Variants in SLC39A11 observed in about 807,000 individuals in gnomAD.
SLC39A11 encodes the protein zinc transporter ZIP11.
A neutral mutation model predicts 36.1 loss-of-function variants in SLC39A11; 33 were observed. The observed-to-expected ratio is 0.91, with a 90% confidence interval of 0.69 to 1.22. The LOEUF (loss-of-function observed/expected upper bound fraction) is 1.22. Ranked by LOEUF, SLC39A11 falls within the 50% of genes most tolerant of loss-of-function variation. The probability of loss-of-function intolerance (pLI) is 0.00; values close to 1 mark genes in which losing one functional copy is unlikely to be tolerated. For synonymous variants in SLC39A11, 166 were observed against 170.3 expected (o/e 0.97, Z 0.20); for missense variants, 432 against 430.3 (o/e 1.00, Z -0.03).
intron 6 of SLC39A11, among the ~76,000 whole-genome samples, chr17:72,789,934 G>A (rs995529351): frequency 6.6e-6 from 1 of 152,114 alleles, no homozygotes; most frequent in African/African-American, 2.4e-5. Flanking sequence ...GAATTTAACT[G>A]GGTTTTTCTG....
At chr17:72,716,805 C>T (rs2073386928) in intron 7 of SLC39A11, among the ~76,000 whole-genome samples, 1 of 151,450 alleles carries the variant, frequency 6.6e-6, no homozygotes, top group African/African-American at 2.4e-5. Flanking sequence ...CCCATCTCTA[C>T]AAAAAATACA....
intron 3 of SLC39A11, among the ~76,000 whole-genome samples, chr17:73,051,168 C>T (rs2143901716): frequency 6.6e-6 from 1 of 152,274 alleles, no homozygotes; most frequent in East Asian, 1.9e-4. Context: ...GCCAGAAGCC[C>T]TCGGTGTTCC....
At chr17:72,825,515 G>A (rs1567774615) in intron 6 of SLC39A11, among the ~76,000 whole-genome samples, 2 of 152,206 alleles carry the variant, frequency 1.3e-5, no homozygotes. Flanking sequence ...CTAGGGCACT[G>A]CCTAGTAGAG....
intron 4 of SLC39A11, among the ~76,000 whole-genome samples, chr17:73,021,943 G>A (rs1568138085): frequency 6.6e-6 from 1 of 152,204 alleles, no homozygotes; most frequent in Non-Finnish European, 1.5e-5. Flanking sequence ...CCCACGCAGT[G>A]CGTGTGTGTG....
At chr17:72,875,255 T>C (rs1171475268) in intron 5 of SLC39A11, among the ~76,000 whole-genome samples, 2 of 152,236 alleles carry the variant, frequency 1.3e-5, no homozygotes, top group South Asian at 2.1e-4. Flanking sequence ...TTCATCATTA[T>C]TGAATTTGCC....
intron 5 of SLC39A11, among the ~76,000 whole-genome samples, chr17:72,927,310 C>T (rs932215283): frequency 2.8e-4 from 42 of 152,336 alleles, no homozygotes; most frequent in African/African-American, 9.6e-4. Flanking sequence ...GATCCACGCA[C>T]CTTGGCCTCC....
chr17:72,780,032 TGTTG>T (rs764946318), intron 6 of SLC39A11, among the ~76,000 whole-genome samples: 6 of 152,312 alleles, frequency 3.9e-5, no homozygotes, highest in Non-Finnish European at 8.8e-5. Flanking sequence ...CTCATAATTG[TGTTG>T]GTCAAGCATT....
rs578187286 is a variant in SLC39A11 at position 72,662,552 on chromosome 17, A to C, written c.672-13284T>G. ...AAGAAAGAGAGAAAGAAAGAAAAGA[A>C]AAAAGAAAAGAAAAGAAAAAGGAAA... On this transcript the variant is annotated intron_variant, in intron 7 of 9. Coordinates refer to ENST00000255559, the MANE Select transcript of SLC39A11 (RefSeq NM_139177.4). 1.1e-4 allele frequency among the ~76,000 whole-genome samples: 10 copies of C among 93,764 alleles called. No homozygotes were observed. In the East Asian group the frequency reaches 2.2e-3, roughly 21 times the overall value. 61.5% of individuals were successfully genotyped at this position (93,764 alleles called of 152,430 possible).
At chr17:73,031,804 A>G in intron 3 of SLC39A11, 90 bp from the exon 4 acceptor site, 1 of 1,327,752 alleles carries the variant, frequency 7.5e-7, no homozygotes, top group Non-Finnish European at 1.0e-6. Context: ...GCCCAGATTG[A>G]CCCCTACAAT....
At chr17:72,959,148 C>T (rs750617239) in intron 4 of SLC39A11, among the ~76,000 whole-genome samples, 1 of 151,414 alleles carries the variant, frequency 6.6e-6, no homozygotes, top group Non-Finnish European at 1.5e-5. Context: ...CCATTTGATC[C>T]AGCAATCCTA....
At chr17:72,967,399 A>AGAGTGTGTGTGT (rs143987646) in intron 4 of SLC39A11, among the ~76,000 whole-genome samples, 4,656 of 138,134 alleles carry the variant, frequency 0.034, 262 homozygotes, top group African/African-American at 0.12. Flanking sequence ...AGAGAGAGAG[A>AGAGTGTGTGTGT]GTGTGTGTGT....
intron 3 of SLC39A11, among the ~76,000 whole-genome samples, chr17:73,038,546 A>AC: frequency 6.8e-6 from 1 of 146,270 alleles, no homozygotes; most frequent in African/African-American, 2.5e-5. Context: ...TAAAAATACA[A>AC]AAAAAAAAAA....
chr17:72,949,440 T>A lies in SLC39A11; in HGVS notation c.307-1565A>T, dbSNP rs573918595. On this transcript the variant is annotated intron_variant, in intron 4 of 9. Coordinates refer to ENST00000255559, the MANE Select transcript of SLC39A11 (RefSeq NM_139177.4). ...CCTCCCAAAGTGCTGGGATTACAGGTGTGGGCCACTGCACCCGGCCAGCTT... is the reference window on the plus strand; with the variant it reads ...CCTCCCAAAGTGCTGGGATTACAGGAGTGGGCCACTGCACCCGGCCAGCTT... Among the ~76,000 whole-genome samples, 15 of 151,916 alleles carry A rather than the reference T, an allele frequency of 9.9e-5. No individual in the cohort carries two copies. The East Asian group carries it at 2.9e-3, about 30-fold the overall frequency.
chr17:72,991,207 T>C (rs1224453077), intron 4 of SLC39A11, among the ~76,000 whole-genome samples: 1 of 152,254 alleles, frequency 6.6e-6, no homozygotes, highest in East Asian at 1.9e-4. Flanking sequence ...GTATGCTTTA[T>C]AACGCTATTT....
intron 7 of SLC39A11, among the ~76,000 whole-genome samples, chr17:72,681,218 C>T (rs1303434917): frequency 3.9e-5 from 6 of 152,162 alleles, no homozygotes; most frequent in African/African-American, 1.2e-4. Context: ...TGAGCCACAG[C>T]ACCCGGTCTA....
chr17:72,757,277 A>G (rs901418299), intron 6 of SLC39A11, among the ~76,000 whole-genome samples: 1 of 152,144 alleles, frequency 6.6e-6, no homozygotes, highest in Non-Finnish European at 1.5e-5. Context: ...AACAGGTAAG[A>G]CCCGATTCAA....
intron 6 of SLC39A11, among the ~76,000 whole-genome samples, chr17:72,830,769 G>A (rs2078250214): frequency 1.3e-5 from 2 of 152,090 alleles, no homozygotes; most frequent in South Asian, 4.1e-4. Flanking sequence ...CAAACCCCAT[G>A]CATACCCTGG....
At chr17:72,925,072 A>G (rs1017371056) in intron 5 of SLC39A11, among the ~76,000 whole-genome samples, 21 of 151,264 alleles carry the variant, frequency 1.4e-4, no homozygotes, top group Admixed American at 9.9e-4. Flanking sequence ...AGAATTCCCT[A>G]TCCCAAGGCA....
intron 7 of SLC39A11, among the ~76,000 whole-genome samples, chr17:72,733,327 A>T (rs186880381): frequency 9.8e-5 from 15 of 152,326 alleles, no homozygotes; most frequent in African/African-American, 3.6e-4. Context: ...TGTTACTGGA[A>T]GTACTAGTGA....
Sources: allele counts gnomAD v4.1 joint callset (sites outside exome capture counted in the v4.1 genomes callset), GRCh38; gene constraint gnomAD v4.1.1; transcripts MANE v1.5; gene names NCBI Gene and HGNC (gene_info 2026-07-23, HGNC 2026-07-21).